The following SPARCL1 variants were observed in gnomAD, a reference collection of about 807,000 sequenced individuals.
SPARCL1 encodes the protein SPARC-like protein 1.
Under a neutral mutation model 67.1 loss-of-function variants are expected in SPARCL1, and 52 were observed. That is an observed-to-expected ratio of 0.78 (90% CI 0.62 to 0.98). The LOEUF (loss-of-function observed/expected upper bound fraction) is 0.98, where lower values mean the gene tolerates loss of function less well. Ranked by LOEUF, SPARCL1 falls within the 50% of genes least tolerant of loss-of-function variation. The probability of loss-of-function intolerance (pLI) is 0.00; values close to 1 mark genes in which losing one functional copy is unlikely to be tolerated. For missense variants in SPARCL1, 717 were observed against 782.4 expected (o/e 0.92, Z 1.00); for synonymous variants, 226 against 267.8 (o/e 0.84, Z 1.52).
At chr4:87,487,922 G>A (rs1231449212) in intron 7 of SPARCL1, among the ~76,000 whole-genome samples, 2 of 152,132 alleles carry the variant, frequency 1.3e-5, no homozygotes, top group East Asian at 1.9e-4. Context: ...CGAAGTTCTC[G>A]TGCTGTGTTT....
At chr4:87,525,824 C>T (rs956848518) in intron 1 of SPARCL1, among the ~76,000 whole-genome samples, 1 of 152,126 alleles carries the variant, frequency 6.6e-6, no homozygotes, top group Non-Finnish European at 1.5e-5. Context: ...GCAGGAGTCT[C>T]TCTACACCCT....
intron 1 of SPARCL1, among the ~76,000 whole-genome samples, chr4:87,514,889 A>G (rs1330143623): frequency 6.6e-6 from 1 of 152,242 alleles, no homozygotes; most frequent in Non-Finnish European, 1.5e-5. Context: ...GTACTTTGAA[A>G]AATCAAAACC....
intron 9 of SPARCL1, among the ~76,000 whole-genome samples, chr4:87,479,953 A>C (rs1016779221): frequency 6.6e-6 from 1 of 151,960 alleles, no homozygotes; most frequent in African/African-American, 2.4e-5. Flanking sequence ...AAGTTGGAGG[A>C]GTATCTGTGG....
rs1130643 is a variant in SPARCL1, at chr4:87,491,654, T to C, written c.1255A>G (p.Thr419Ala). 225,767 of 1,611,944 alleles carry C rather than the reference T, an allele frequency of 0.14. 20,438 individuals carry two copies. The highest frequency in any genetic ancestry group is 0.46 in the African/African-American group (34,102 of 74,854). ...ACCCTCATGTTGCCTTCACTTGACG[T>C]TTCCTCCTCATTTGATGAGTTCTCT... ...KAENSSNEEE[T>A]SSEGNMRVHA... Residue 419 changes from threonine to alanine, a missense_variant, in exon 5 of 11, where the codon ACG becomes GCG. By Grantham distance (58) the Thr-to-Ala change is moderately conservative (BLOSUM62 0). Coordinates refer to ENST00000282470, the MANE Select transcript of SPARCL1 (RefSeq NM_004684.6).
intron 1 of SPARCL1, among the ~76,000 whole-genome samples, chr4:87,504,156 T>TGTGTGTGA (rs945986347): frequency 1.9e-5 from 2 of 104,278 alleles, no homozygotes; most frequent in African/African-American, 7.2e-5. Flanking sequence ...TGTGTGTGTG[T>TGTGTGTGA]GTGTGTGTGT....
At chr4:87,510,241 A>G (rs573224514) in intron 1 of SPARCL1, among the ~76,000 whole-genome samples, 1 of 152,112 alleles carries the variant, frequency 6.6e-6, no homozygotes, top group South Asian at 2.1e-4. Context: ...GATTCTGTTC[A>G]GTGGCGTCAT....
At position 87,492,194 on chromosome 4, in the gene SPARCL1, G is replaced by C. The variant is rs528263328; in HGVS notation, c.1219-504C>G. On this transcript the variant is annotated intron_variant, in intron 4 of 10. Transcript: ENST00000282470. Reference sequence around the variant, plus strand: ...GCACTTTGGGAGGCTGAGGTGGGTGGATCACCTGAGGTCAGGAATTCGAGA... The same window carrying C: ...GCACTTTGGGAGGCTGAGGTGGGTGCATCACCTGAGGTCAGGAATTCGAGA... Among the ~76,000 whole-genome samples, 6 of 152,178 alleles carry C rather than the reference G, an allele frequency of 3.9e-5. No individual in the cohort carries two copies. The East Asian group carries it at 1.2e-3, about 29-fold the overall frequency.
chr4:87,522,685 A>ACACACACG (rs1725874486), intron 1 of SPARCL1, among the ~76,000 whole-genome samples: 1 of 141,670 alleles, frequency 7.1e-6, no homozygotes, highest in African/African-American at 2.8e-5. Context: ...ACACACACGC[A>ACACACACG]CACACACAGA....
Position 87,491,657 on chromosome 4 carries a change from C to T in SPARCL1, c.1252G>A (p.Glu418Lys). Residue 418 changes from glutamate to lysine, a missense_variant, in exon 5 of 11, where the codon GAA becomes AAA. Physicochemically the swap from Glu to Lys is moderately conservative, Grantham distance 56. Coordinates refer to ENST00000282470, the MANE Select transcript of SPARCL1 (RefSeq NM_004684.6). Reference sequence around the variant, plus strand: ...CTCATGTTGCCTTCACTTGACGTTTCCTCCTCATTTGATGAGTTCTCTGCT... The same window carrying T: ...CTCATGTTGCCTTCACTTGACGTTTTCTCCTCATTTGATGAGTTCTCTGCT... ...KKAENSSNEE[E>K]TSSEGNMRVH... 6.2e-7 allele frequency: 1 copy of T among 1,613,332 alleles called. No individual in the cohort carries two copies.
At chr4:87,511,559 G>A (rs1276798773) in intron 1 of SPARCL1, among the ~76,000 whole-genome samples, 1 of 152,150 alleles carries the variant, frequency 6.6e-6, no homozygotes, top group Admixed American at 6.5e-5. Context: ...CAGAACCCTG[G>A]GGAGTGAAGA....
At chr4:87,520,331 A>G (rs1283643827) in intron 1 of SPARCL1, among the ~76,000 whole-genome samples, 3 of 151,602 alleles carry the variant, frequency 2.0e-5, no homozygotes, top group Non-Finnish European at 4.4e-5. Context: ...TTATCATTTA[A>G]CATGGCATTC....
chr4:87,482,704 G>T, intron 7 of SPARCL1, 144 bp from the exon 8 acceptor site: 1 of 775,918 alleles, frequency 1.3e-6, no homozygotes, highest in Non-Finnish European at 2.0e-6. Flanking sequence ...CTCAGCCCTG[G>T]CAGCAGCACA....
At chr4:87,474,638 C>T (rs865785821) in intron 10 of SPARCL1, among the ~76,000 whole-genome samples, 4 of 151,834 alleles carry the variant, frequency 2.6e-5, no homozygotes, top group African/African-American at 9.7e-5. Context: ...TCCACCTTTC[C>T]TTTTTTACTA....
chr4:87,490,335 C>T lies in SPARCL1; in HGVS notation c.1469G>A (p.Cys490Tyr). Residue 490 changes from cysteine (C) to tyrosine (Y), a missense_variant, in exon 7 of 11, where the codon TGC (cysteine) becomes TAC (tyrosine). By Grantham distance (194) the Cys-to-Tyr change is radical (BLOSUM62 -2). Coordinates refer to ENST00000282470, the MANE Select transcript of SPARCL1 (RefSeq NM_004684.6). Reference sequence around the variant, plus strand: ...CCCCTTTTTGGTCCCCTCCAGTCTGCATTTAGTAGCGAATAGATGACAGGA... The same window carrying T: ...CCCCTTTTTGGTCCCCTCCAGTCTGTATTTAGTAGCGAATAGATGACAGGA... ...ASSCHLFATK[C>Y]RLEGTKKGHQ... 1.9e-6 allele frequency: 3 copies of T among 1,613,476 alleles called. No individual in the cohort carries two copies. The highest frequency in any genetic ancestry group is 8.5e-7 in the Non-Finnish European group (1 of 1,179,716).
intron 1 of SPARCL1, among the ~76,000 whole-genome samples, chr4:87,511,962 T>TC (rs1725377487): frequency 6.1e-5 from 7 of 114,382 alleles, no homozygotes; most frequent in Non-Finnish European, 8.8e-5. Context: ...TTCCTCTTTC[T>TC]TTCTCTTTTT....
chr4:87,498,597 G>T (rs992108011), intron 2 of SPARCL1, among the ~76,000 whole-genome samples: 1 of 152,122 alleles, frequency 6.6e-6, no homozygotes, highest in African/African-American at 2.4e-5. Flanking sequence ...CCACTGACAC[G>T]GTTTCAAATG....
intron 1 of SPARCL1, among the ~76,000 whole-genome samples, chr4:87,500,391 TC>T (rs1178291033): frequency 3.3e-5 from 5 of 152,172 alleles, no homozygotes; most frequent in Non-Finnish European, 5.9e-5. Context: ...GTAAGTTGTC[TC>T]CAGATGAACT....
At chr4:87,518,606 A>G (rs567277240) in intron 1 of SPARCL1, among the ~76,000 whole-genome samples, 3 of 152,356 alleles carry the variant, frequency 2.0e-5, no homozygotes, top group Admixed American at 6.5e-5. Context: ...CAATACGAGT[A>G]CCAAGGTTTC....
At chr4:87,488,844 G>T (rs1015211975) in intron 7 of SPARCL1, among the ~76,000 whole-genome samples, 1 of 152,138 alleles carries the variant, frequency 6.6e-6, no homozygotes, top group Non-Finnish European at 1.5e-5. Flanking sequence ...GTGCTGCCGT[G>T]GGCTCCACCC....
Sources: gnomAD v4.1 joint callset for allele counts (sites outside exome capture counted in the v4.1 genomes callset) on GRCh38, gnomAD v4.1.1 for gene constraint, MANE v1.5 for transcripts, NCBI Gene and HGNC (gene_info 2026-07-23, HGNC 2026-07-21) for gene names.